SIAE: variants seen among roughly 807,000 people sequenced by gnomAD.
SIAE encodes the protein sialic acid acetylesterase, also known as sialate O-acetylesterase.
SIAE carries 39 observed loss-of-function variants against 52.6 expected under a neutral mutation model. The observed-to-expected ratio is 0.74, with a 90% CI of 0.57 to 0.97. SIAE has a LOEUF of 0.97. SIAE is among the 50% of genes least tolerant of loss of function. SIAE has a pLI of 0.00. For missense variants in SIAE, 592 were observed against 662.1 expected (o/e 0.89, Z 1.16); for synonymous variants, 233 against 241.4 (o/e 0.97, Z 0.32).
At chr11:124,652,520 C>A (rs996333443) in intron 4 of SIAE, among the ~76,000 whole-genome samples, 1 of 151,898 alleles carries the variant, frequency 6.6e-6, no homozygotes, top group Admixed American at 6.6e-5. Context: ...CATAGTGAAA[C>A]CCCGTCTCTA....
intron 7 of SIAE, among the ~76,000 whole-genome samples, chr11:124,644,505 G>A (rs1398042747): frequency 1.3e-5 from 2 of 151,964 alleles, no homozygotes; most frequent in East Asian, 3.9e-4. Context: ...TTATATACTC[G>A]CCACATGGGG....
chr11:124,669,822 TG>T (rs1943324201), intron 1 of SIAE, among the ~76,000 whole-genome samples: 1 of 152,220 alleles, frequency 6.6e-6, no homozygotes, highest in Non-Finnish European at 1.5e-5. Context: ...TTTTTGCTCT[TG>T]GGCTTGGCCC....
In SIAE at chr11:124,645,046, CAA is replaced by C. The variant is rs1365380853; in HGVS notation, c.966+2317_966+2318del. The stretch of plus-strand genomic sequence containing the variant: ...TGAACTCATTCAATATTTAAAATAA[CAA>C]AGAGTTCAGTATCGTGTTCGAAATC... On this transcript the variant is annotated intron_variant, in intron 7 of 9. Coordinates refer to ENST00000263593, the MANE Select transcript of SIAE (RefSeq NM_170601.5). This position sits in a 1 kb window ranked among gnomAD's most constrained non-coding sequence, Gnocchi z 4.7. 5.3e-5 allele frequency among the ~76,000 whole-genome samples: 8 copies of C among 152,256 alleles called. No homozygotes were observed. In the East Asian group the frequency reaches 1.5e-3, roughly 29 times the overall value.
chr11:124,651,315 A>T (rs1446704585), intron 4 of SIAE, among the ~76,000 whole-genome samples: 2 of 152,136 alleles, frequency 1.3e-5, no homozygotes, highest in African/African-American at 2.4e-5. Context: ...TGGGAGGCTG[A>T]AGCAGGCAGA....
Position 124,636,714 on chromosome 11 carries a change from G to A in SIAE, c.*237C>T. ...GACATTGAGGTCCAATTTGTCTGTA[G>A]TTCAGAATTAGTCCAATACAGACCC... On this transcript the variant is annotated 3_prime_UTR_variant, in exon 10 of 10. Transcript: ENST00000263593. 1 of 570,768 alleles carries A rather than the reference G, an allele frequency of 1.8e-6. No individual in the cohort carries two copies. Among genetic ancestry groups the A allele is most frequent in the Non-Finnish European group, 3.1e-6 (1 of 323,038 alleles). The allele number at this position is 570,768 out of a possible 1,614,324, so 35.4% of individuals were successfully genotyped here. A position where few individuals can be genotyped will look rare whatever the true frequency, so the allele number is the denominator to read the frequency against.
intron 1 of SIAE, among the ~76,000 whole-genome samples, chr11:124,672,734 A>G (rs1291515675): frequency 1.3e-5 from 2 of 152,166 alleles, no homozygotes; most frequent in Admixed American, 6.5e-5. Context: ...CACTTTTGTT[A>G]GACTCTGAAC....
At chr11:124,664,493 C>T (rs1943243884) in intron 2 of SIAE, among the ~76,000 whole-genome samples, 2 of 152,090 alleles carry the variant, frequency 1.3e-5, no homozygotes, top group Non-Finnish European at 1.5e-5. Flanking sequence ...CTCAGTCTCC[C>T]GAAGTGCTGG....
intron 2 of SIAE, among the ~76,000 whole-genome samples, chr11:124,663,678 G>T (rs1943225506): frequency 6.6e-6 from 1 of 152,190 alleles, no homozygotes; most frequent in South Asian, 2.1e-4. Flanking sequence ...AGCAAGGGTG[G>T]GATTAAAAAG....
At chr11:124,644,071 A>G (rs1358495023) in intron 7 of SIAE, among the ~76,000 whole-genome samples, 1 of 152,192 alleles carries the variant, frequency 6.6e-6, no homozygotes, top group African/African-American at 2.4e-5. Context: ...AGAGGTTGCA[A>G]TAATAACAGA....
intron 9 of SIAE, 29 bp downstream of exon 9, chr11:124,638,513 A>T: frequency 1.9e-6 from 3 of 1,610,234 alleles, no homozygotes; most frequent in Non-Finnish European, 2.5e-6. Flanking sequence ...CACAAAATGA[A>T]CCCCTGTTTA....
At chr11:124,671,142 A>G (rs1943347967) in intron 1 of SIAE, among the ~76,000 whole-genome samples, 1 of 152,216 alleles carries the variant, frequency 6.6e-6, no homozygotes, top group African/African-American at 2.4e-5. Context: ...ATCTTTGTGG[A>G]TGACTCTGTG....
chr11:124,644,465 C>G (rs1487223837), intron 7 of SIAE, among the ~76,000 whole-genome samples: 1 of 151,912 alleles, frequency 6.6e-6, no homozygotes, highest in African/African-American at 2.4e-5. Context: ...AGAATTCTTG[C>G]AGCAATTCAC....
At chr11:124,669,749 T>G in intron 1 of SIAE, 1 of 524,228 alleles carries the variant, frequency 1.9e-6, no homozygotes, top group African/African-American at 1.9e-5. Context: ...CTAAGGAAAA[T>G]TCCCAGAGCC....
At position 124,645,535 on chromosome 11, in the gene SIAE, A is replaced by G. The variant is rs1157149010; in HGVS notation, c.966+1830T>C. Among the ~76,000 whole-genome samples the G allele has an allele frequency of 2.6e-5, 4 of 152,116 alleles. No individual in the cohort carries two copies. The highest frequency in any genetic ancestry group is 9.7e-5 in the African/African-American group (4 of 41,420). ...AGGCTGGTCTCGAACTCCCGACCTC[A>G]GGTGATCCGCCCACCTCGGCCTCCC... On this transcript the variant is annotated intron_variant, in intron 7 of 9. Coordinates refer to ENST00000263593, the MANE Select transcript of SIAE (RefSeq NM_170601.5). This position sits in a 1 kb window ranked among gnomAD's most constrained non-coding sequence, Gnocchi z 4.7.
chr11:124,640,344 A>T (rs1309683315), intron 7 of SIAE, among the ~76,000 whole-genome samples: 1 of 152,184 alleles, frequency 6.6e-6, no homozygotes, highest in Non-Finnish European at 1.5e-5. Flanking sequence ...CAGCAATCAC[A>T]GATAAGGGCC....
intron 1 of SIAE, 32 bp from the exon 2 acceptor site, chr11:124,669,553 T>G (rs777198102): frequency 6.3e-7 from 1 of 1,598,094 alleles, no homozygotes; most frequent in Non-Finnish European, 8.5e-7. Flanking sequence ...GAGGGAAGCA[T>G]CATCGGAGAG....
At chr11:124,654,555 A>ATT in intron 4 of SIAE, 100 bp downstream of exon 4, 2 of 1,608,494 alleles carry the variant, frequency 1.2e-6, no homozygotes, top group African/African-American at 2.7e-5. Context: ...AGGCATGAGT[A>ATT]ATAATAAATA....
At position 124,660,724 on chromosome 11, in the gene SIAE, C is replaced by T; in HGVS notation, c.309G>A (p.Leu103=). 6.2e-7 allele frequency: 1 copy of T among 1,614,202 alleles called. No individual in the cohort carries two copies. The highest frequency in any genetic ancestry group is 8.5e-7 in the Non-Finnish European group (1 of 1,180,036). Residue 103 remains leucine, a synonymous_variant, in exon 3 of 10, where the codon TTG becomes TTA. Coordinates refer to ENST00000263593, the MANE Select transcript of SIAE (RefSeq NM_170601.5). Reference sequence around the variant, plus strand: ...CTCTCAGGGTGAAGTTTATTTTCTCCAAAGTCTGTTGTGCCATCACTTCGA... The same window carrying T: ...CTCTCAGGGTGAAGTTTATTTTCTCTAAAGTCTGTTGTGCCATCACTTCGA... ...GPFEVMAQQT[L]EKINFTLRVH... is the part of the protein sequence containing the mutation.
At chr11:124,642,526 G>A (rs762638386) in intron 7 of SIAE, among the ~76,000 whole-genome samples, 1 of 152,206 alleles carries the variant, frequency 6.6e-6, no homozygotes, top group Non-Finnish European at 1.5e-5. Flanking sequence ...GGAAGGAGGA[G>A]AGAGTGTCAG....
Sources: gnomAD v4.1 joint callset for allele counts (sites outside exome capture counted in the v4.1 genomes callset) on GRCh38, gnomAD v4.1.1 for gene constraint, Gnocchi (gnomAD v3.1) non-coding constraint, MANE v1.5 for transcripts, NCBI Gene and HGNC (gene_info 2026-07-23, HGNC 2026-07-21) for gene names.